CA8: variants seen among roughly 807,000 people sequenced by gnomAD.
The protein encoded by CA8 is carbonic anhydrase-related protein.
A neutral mutation model predicts 41.4 loss-of-function variants in CA8; 22 were observed. That is an observed-to-expected ratio of 0.53 (90% CI 0.38 to 0.76). The LOEUF (loss-of-function observed/expected upper bound fraction) is 0.76. Ranked by LOEUF, CA8 falls within the 30% of genes least tolerant of loss-of-function variation. The pLI is 0.00. For missense variants in CA8, 270 were observed against 352.8 expected, an observed-to-expected ratio of 0.77 and a Z score of 1.88; for synonymous variants, 121 against 130.6, an observed-to-expected ratio of 0.93 and a Z score of 0.50.
intron 3 of CA8, among the ~76,000 whole-genome samples, chr8:60,250,737 T>C (rs1227935255): frequency 2.0e-5 from 3 of 152,312 alleles, no homozygotes; most frequent in Middle Eastern, 3.4e-3. Flanking sequence ...GCCTAGAGCA[T>C]ACACAGAAGA....
chr8:60,240,619 A>C (rs1279247985), intron 3 of CA8, among the ~76,000 whole-genome samples: 3 of 152,210 alleles, frequency 2.0e-5, no homozygotes, highest in South Asian at 2.1e-4. Flanking sequence ...GTCATTAAGA[A>C]CTTTCCTCTG....
chr8:60,259,962 A>G (rs1803678653), intron 3 of CA8, among the ~76,000 whole-genome samples: 1 of 152,224 alleles, frequency 6.6e-6, no homozygotes, highest in South Asian at 2.1e-4. Context: ...ACTTTCCAGA[A>G]GAGCTGAACA....
chr8:60,208,894 G>A lies in CA8; in HGVS notation c.764C>T (p.Thr255Ile). Reference protein sequence around the residue: ...LQIEEFRRLRTHVKGAELVEG... With the variant: ...LQIEEFRRLRIHVKGAELVEG... ...CACAAGTTCTGCCCCCTTAACATGT[G>A]TCCTCAGCCTTCGAAATTCTTCTAT... is the stretch of plus-strand genomic sequence containing the variant. Residue 255 changes from threonine to isoleucine, a missense_variant, in exon 8 of 9, where the codon ACA becomes ATA. By Grantham distance (89) the Thr-to-Ile change is moderately conservative (BLOSUM62 -1). This residue lies in a region of CA8 where 141 missense variants were observed against 191.6 expected (regional missense o/e 0.74). Transcript: ENST00000317995. 6.2e-7 allele frequency: 1 copy of A among 1,614,090 alleles called. No individual in the cohort carries two copies.
chr8:60,219,929 TAAAAAAAA>T (rs546162939), intron 7 of CA8, among the ~76,000 whole-genome samples: 12,178 of 82,132 alleles, frequency 0.15, 765 homozygotes, highest in Middle Eastern at 0.2. Context: ...AATCTTAACT[TAAAAAAAA>T]AAAAAAAAAA....
rs147994556 is a variant in CA8 at position 60,234,360 on chromosome 8, G to T, written c.418-1981C>A. Among the ~76,000 whole-genome samples, 12 of 152,288 alleles carry T rather than the reference G, an allele frequency of 7.9e-5. No individual in the cohort carries two copies. The East Asian group carries it at 2.3e-3, about 29-fold the overall frequency. ...CCATAGGTGAGATCCCAGAACAGAA[G>T]AAGGACATTAGGTAAATACTAAGGA... is the stretch of plus-strand genomic sequence containing the variant. On this transcript the variant is annotated intron_variant, in intron 3 of 8. Coordinates refer to ENST00000317995, the MANE Select transcript of CA8 (RefSeq NM_004056.6).
chr8:60,209,057 G>A (rs192758791), intron 7 of CA8, 138 bp from the exon 8 acceptor site: 32 of 979,572 alleles, frequency 3.3e-5, no homozygotes, highest in Admixed American at 2.8e-4. Context: ...GCTTCAAAAA[G>A]AAAAAAAACA....
chr8:60,244,196 C>A (rs368358191), intron 3 of CA8, among the ~76,000 whole-genome samples: 8 of 152,302 alleles, frequency 5.3e-5, no homozygotes, highest in Admixed American at 4.6e-4. Flanking sequence ...TCTCAAAAAT[C>A]TCCCAAATGC....
chr8:60,278,942 C>A (rs188276894), intron 2 of CA8, among the ~76,000 whole-genome samples: 1 of 152,288 alleles, frequency 6.6e-6, no homozygotes, highest in African/African-American at 2.4e-5. Context: ...TTATTATTCA[C>A]TATGAAATGC....
intron 3 of CA8, among the ~76,000 whole-genome samples, chr8:60,236,764 C>T (rs1807843542): frequency 6.6e-6 from 1 of 152,034 alleles, no homozygotes; most frequent in African/African-American, 2.4e-5. Flanking sequence ...AATATAAATA[C>T]ATATTAGTGC....
At chr8:60,199,844 C>T (rs547276327) in intron 8 of CA8, among the ~76,000 whole-genome samples, 76 of 152,290 alleles carry the variant, frequency 5.0e-4, no homozygotes, top group African/African-American at 1.7e-3. Flanking sequence ...TATGTACCAA[C>T]ATAAAAATAT....
chr8:60,208,700 T>C, intron 8 of CA8, 50 bp downstream of exon 8: 5 of 1,486,466 alleles, frequency 3.4e-6, no homozygotes, highest in Non-Finnish European at 4.7e-6. Flanking sequence ...TTTGGTACGC[T>C]AGGTTTAAGT....
intron 4 of CA8, among the ~76,000 whole-genome samples, chr8:60,230,256 C>T (rs1201817618): frequency 6.6e-6 from 1 of 152,140 alleles, no homozygotes; most frequent in African/African-American, 2.4e-5. Context: ...TGAGATTAGT[C>T]CACCTGCATA....
At chr8:60,260,075 G>A (rs76469780) in intron 3 of CA8, among the ~76,000 whole-genome samples, 196 of 152,190 alleles carry the variant, frequency 1.3e-3, no homozygotes, top group African/African-American at 4.6e-3. Context: ...ATTAACTAGA[G>A]CTGCAAATAA....
chr8:60,212,806 C>T (rs1239422644), intron 7 of CA8, among the ~76,000 whole-genome samples: 1 of 152,116 alleles, frequency 6.6e-6, no homozygotes, highest in Admixed American at 6.5e-5. Context: ...CGTTCTGACC[C>T]AGTAAAATAT....
chr8:60,238,289 C>T (rs533547658), intron 3 of CA8, among the ~76,000 whole-genome samples: 12 of 152,216 alleles, frequency 7.9e-5, no homozygotes, highest in Middle Eastern at 3.4e-3. Context: ...AATAATACGA[C>T]GGCAGCAAAG....
At chr8:60,281,022 G>T in intron 1 of CA8, 26 bp downstream of exon 1, 1 of 1,555,474 alleles carries the variant, frequency 6.4e-7, no homozygotes. Flanking sequence ...GCGGGACCCC[G>T]GACACCCCGA....
chr8:60,214,344 T>A (rs1308992099), intron 7 of CA8, among the ~76,000 whole-genome samples: 1 of 152,156 alleles, frequency 6.6e-6, no homozygotes, highest in Admixed American at 6.5e-5. Flanking sequence ...GGAAGGACCC[T>A]CATGGCCTAA....
At chr8:60,263,339 A>G (rs1803794833) in intron 3 of CA8, among the ~76,000 whole-genome samples, 1 of 141,628 alleles carries the variant, frequency 7.1e-6, no homozygotes, top group Admixed American at 7.0e-5. Context: ...AAAAAAAAAA[A>G]GGTAATTCCT....
intron 5 of CA8, among the ~76,000 whole-genome samples, chr8:60,225,000 G>A (rs555926822): frequency 5.3e-5 from 8 of 151,782 alleles, no homozygotes; most frequent in East Asian, 3.9e-4. Context: ...TAACCTTTCC[G>A]GCATTACAAC....
Sources: allele counts gnomAD v4.1 joint callset (sites outside exome capture counted in the v4.1 genomes callset), GRCh38; gene constraint gnomAD v4.1.1; regional missense constraint gnomAD v4.1.1; transcripts MANE v1.5; gene names NCBI Gene and HGNC (gene_info 2026-07-23, HGNC 2026-07-21).